Variants in CUL5 observed in about 807,000 individuals in gnomAD.
CUL5 encodes cullin 5.
Under a neutral mutation model 108.8 loss-of-function variants are expected in CUL5, and 26 were observed. That is an observed-to-expected ratio of 0.24 (90% CI 0.18 to 0.33). The LOEUF is 0.33. Ranked by LOEUF, CUL5 falls within the 10% of genes least tolerant of loss-of-function variation. The pLI, the probability that CUL5 is intolerant of heterozygous loss-of-function variation, is 1.00. For synonymous variants in CUL5, 334 were observed against 298.0 expected, an observed-to-expected ratio of 1.12 and a Z score of -1.25; for missense variants, 524 against 909.2, an observed-to-expected ratio of 0.58 and a Z score of 5.45.
At position 108,025,381 on chromosome 11, in the gene CUL5, G is replaced by A. The variant is rs193151735; in HGVS notation, c.25-8421G>A. On this transcript the variant is annotated intron_variant, in intron 1 of 18. Transcript: ENST00000393094. ...AGACATTGTGAGTATATGTTTTAGGGGCTTGATTTTAAAATTTTTCTCTAA... is the reference window on the plus strand; with the variant it reads ...AGACATTGTGAGTATATGTTTTAGGAGCTTGATTTTAAAATTTTTCTCTAA... Among the ~76,000 whole-genome samples, 384 of 152,094 alleles carry A rather than the reference G, an allele frequency of 2.5e-3. 3 individuals are homozygous for A. The highest frequency in any genetic ancestry group is 8.6e-3 in the African/African-American group (356 of 41,490).
chr11:108,050,427 G>A (rs1000083029), intron 4 of CUL5, among the ~76,000 whole-genome samples: 1 of 151,086 alleles, frequency 6.6e-6, no homozygotes, highest in Non-Finnish European at 1.5e-5. Flanking sequence ...AGTGTGCAGT[G>A]GCGCAGTCTG....
intron 12 of CUL5, 48 bp downstream of exon 12, chr11:108,088,707 A>T (rs1286362077): frequency 6.8e-7 from 1 of 1,471,686 alleles, no homozygotes; most frequent in Non-Finnish European, 9.2e-7. Flanking sequence ...CTTACTTTGA[A>T]TTTGTGTTTT....
chr11:108,042,969 G>T (rs1013811843), intron 2 of CUL5, among the ~76,000 whole-genome samples: 1 of 152,070 alleles, frequency 6.6e-6, no homozygotes, highest in Non-Finnish European at 1.5e-5. Context: ...CGCTATGTTG[G>T]CCAGGTTGGT....
At chr11:108,089,469 A>G in intron 12 of CUL5, 23 bp from the exon 13 acceptor site, 1 of 1,514,884 alleles carries the variant, frequency 6.6e-7, no homozygotes, top group Non-Finnish European at 8.9e-7. Context: ...TAAGAACTGA[A>G]AGTAACTTTA....
rs556142536 is a variant in CUL5 at position 108,093,974 on chromosome 11, A to G, written c.1444-417A>G. Among the ~76,000 whole-genome samples the G allele has an allele frequency of 3.3e-5, 5 of 152,378 alleles. No individual in the cohort carries two copies. The East Asian group carries it at 9.6e-4, about 29-fold the overall frequency. ...TGCTTCAGCCTCCCAAAGTGCTAGG[A>G]TTACACACCATGCCAACTAATAGAT... On this transcript the variant is annotated intron_variant, in intron 13 of 18. Transcript: ENST00000393094.
chr11:108,073,088 G>A (rs1206311620), intron 9 of CUL5, among the ~76,000 whole-genome samples: 1 of 151,836 alleles, frequency 6.6e-6, no homozygotes, highest in South Asian at 2.1e-4. Context: ...TATAGTCCCA[G>A]CTACTTGGGA....
At chr11:108,017,544 AAAC>A (rs775638217) in intron 1 of CUL5, among the ~76,000 whole-genome samples, 4 of 152,168 alleles carry the variant, frequency 2.6e-5, no homozygotes, top group Non-Finnish European at 4.4e-5. Context: ...GCGGTAGCGA[AAAC>A]AACGTGATAA....
intron 7 of CUL5, among the ~76,000 whole-genome samples, chr11:108,068,453 G>C (rs1273890572): frequency 2.6e-5 from 4 of 151,662 alleles, no homozygotes; most frequent in South Asian, 2.1e-4. Flanking sequence ...CAACTCGCAG[G>C]GACCACAGAA....
intron 7 of CUL5, among the ~76,000 whole-genome samples, chr11:108,064,547 A>T (rs1349500222): frequency 6.6e-6 from 1 of 151,818 alleles, no homozygotes; most frequent in Non-Finnish European, 1.5e-5. Context: ...ATCTCTACTA[A>T]AAAAAATACA....
rs1199916701 is a variant in CUL5, at chr11:108,098,051, T to C, written c.2024+297T>C. Among the ~76,000 whole-genome samples, 3 of 152,072 alleles carry C rather than the reference T, an allele frequency of 2.0e-5. No individual in the cohort carries two copies. In the East Asian group the frequency reaches 5.8e-4, roughly 29 times the overall value. ...CAGAGAAAGCGTTTTTTGTGTTGTT[T>C]TGTTTCGTTTTTGTTTTTGTTTTTG... On this transcript the variant is annotated intron_variant, in intron 17 of 18. Transcript: ENST00000393094.
intron 10 of CUL5, 138 bp downstream of exon 10, chr11:108,073,635 A>T: frequency 2.3e-6 from 1 of 431,526 alleles, no homozygotes. Context: ...TCAGTGGAGA[A>T]CAACTATATT....
intron 1 of CUL5, among the ~76,000 whole-genome samples, chr11:108,016,394 C>CA (rs1321171779): frequency 6.6e-6 from 1 of 152,090 alleles, no homozygotes; most frequent in Non-Finnish European, 1.5e-5. Context: ...CATCCTCCCA[C>CA]AGGTGCAACA....
intron 1 of CUL5, among the ~76,000 whole-genome samples, chr11:108,017,131 G>A (rs149546214): frequency 1.8e-4 from 27 of 152,158 alleles, no homozygotes; most frequent in Admixed American, 5.2e-4. Flanking sequence ...GCTCACACCT[G>A]TAATCCAAGC....
chr11:108,097,496 T>G, intron 16 of CUL5, 140 bp from the exon 17 acceptor site: 1 of 566,390 alleles, frequency 1.8e-6, no homozygotes, highest in Non-Finnish European at 3.2e-6. Context: ...TGCATTCAAA[T>G]GTTATATTCA....
chr11:108,083,483 C>T (rs548485592), intron 11 of CUL5, among the ~76,000 whole-genome samples: 1 of 152,160 alleles, frequency 6.6e-6, no homozygotes, highest in Non-Finnish European at 1.5e-5. Context: ...CTACTTTTAG[C>T]TCCACATTAA....
At chr11:108,095,382 A>C (rs1183457083) in intron 15 of CUL5, 148 bp from the exon 16 acceptor site, 2 of 587,982 alleles carry the variant, frequency 3.4e-6, no homozygotes, top group South Asian at 2.5e-5. Context: ...TATTCTGGGC[A>C]GTCATTAACG....
chr11:108,027,596 A>G (rs747471709), intron 1 of CUL5, among the ~76,000 whole-genome samples: 4 of 151,812 alleles, frequency 2.6e-5, no homozygotes, highest in Non-Finnish European at 4.4e-5. Context: ...TTTAGTAGAG[A>G]CAGGCTTTTT....
At position 108,094,837 on chromosome 11, in the gene CUL5, G is replaced by T; in HGVS notation, c.1593G>T (p.Leu531=). 1 of 1,601,534 alleles carries T rather than the reference G, an allele frequency of 6.2e-7. No homozygotes were observed. Among genetic ancestry groups the T allele is most frequent in the Admixed American group, 1.7e-5 (1 of 57,338 alleles). ...CTGATTCAGTTAATATAAAAATTCT[G>T]AATGCTGGCGCCTGGTCAAGAAGTT... ...LPADSVNIKI[L]NAGAWSRSSE... The change falls in exon 15 of 19, where the codon CTG becomes CTT. Residue 531 remains leucine (L), a synonymous_variant. Transcript: ENST00000393094.
intron 11 of CUL5, among the ~76,000 whole-genome samples, chr11:108,085,390 C>A (rs1374829335): frequency 2.0e-5 from 3 of 149,740 alleles, no homozygotes; most frequent in Non-Finnish European, 3.0e-5. Flanking sequence ...TCCATTGAGA[C>A]AAAAAGTAGA....
Sources: gnomAD v4.1 joint callset for allele counts (sites outside exome capture counted in the v4.1 genomes callset) on GRCh38, gnomAD v4.1.1 for gene constraint, MANE v1.5 for transcripts, NCBI Gene and HGNC (gene_info 2026-07-23, HGNC 2026-07-21) for gene names.